MILR1: variants seen among roughly 807,000 people sequenced by gnomAD.
MILR1 encodes the protein allergin-1.
A neutral mutation model predicts 18.5 loss-of-function variants in MILR1; 31 were observed. The observed-to-expected ratio is 1.68, with a 90% CI of 1.26 to 2.26. The LOEUF (loss-of-function observed/expected upper bound fraction) is 2.26, where lower values mean the gene tolerates loss of function less well. MILR1 is among the 30% of genes most tolerant of loss of function. The probability of loss-of-function intolerance (pLI) is 0.00; values close to 1 mark genes in which losing one functional copy is unlikely to be tolerated. For missense variants in MILR1, 257 were observed against 157.4 expected (o/e 1.63, Z -3.38); for synonymous variants, 85 against 56.2 (o/e 1.51, Z -2.30).
At chr17:64,489,612 C>T in the MILR1 span, among the ~76,000 whole-genome samples, 42,277 of 151,890 alleles carry the variant, frequency 0.28, 11,366 homozygotes, top group African/African-American at 0.7. Flanking sequence ...ATTAAACCAT[C>T]AGTCGGGCAT....
the MILR1 span, chr17:64,485,666 T>G: frequency 6.9e-6 from 9 of 1,301,330 alleles, no homozygotes; most frequent in Middle Eastern, 5.5e-4. Flanking sequence ...CACACTAACA[T>G]TAAGAACAAA....
At position 64,452,698 on chromosome 17, in the gene MILR1, T is replaced by C; in HGVS notation, c.199T>C (p.Tyr67His). 2.1e-6 allele frequency: 1 copy of C among 474,818 alleles called. No individual in the cohort carries two copies. The highest frequency in any genetic ancestry group is 3.1e-5 in the East Asian group (1 of 32,056). 29.4% of individuals were successfully genotyped at this position (474,818 alleles called of 1,614,324 possible). The change falls in exon 3 of 10, where the codon TAT becomes CAT. Residue 67 changes from tyrosine to histidine, a missense_variant. Transcript: ENST00000619286. Reference sequence around the variant, plus strand: ...TAAGAACAAATCACTGCAGATCACCTATTCATTGTTTCGACGTAAGACACA... The same window carrying C: ...TAAGAACAAATCACTGCAGATCACCCATTCATTGTTTCGACGTAAGACACA... ...SHKNKSLQIT[Y>H]SLFRRKTHLG...
chr17:64,483,478 C>T, the MILR1 span, among the ~76,000 whole-genome samples: 149 of 150,522 alleles, frequency 9.9e-4, no homozygotes, highest in Non-Finnish European at 1.4e-3. Flanking sequence ...CGTGCCACTG[C>T]ACTCTAGTCT....
At chr17:64,479,432 G>A in the MILR1 span, among the ~76,000 whole-genome samples, 10 of 151,876 alleles carry the variant, frequency 6.6e-5, no homozygotes, top group African/African-American at 1.7e-4. Flanking sequence ...TGATCTGCCC[G>A]CCTCAACCTC....
At chr17:64,478,088 T>C in the MILR1 span, 13 of 1,272,448 alleles carry the variant, frequency 1.0e-5, no homozygotes, top group Non-Finnish European at 1.5e-5. Flanking sequence ...CTCTCAAGAG[T>C]CACAGACTCA....
intron 4 of MILR1, among the ~76,000 whole-genome samples, chr17:64,458,301 C>T (rs2037348150): frequency 6.6e-6 from 1 of 151,740 alleles, no homozygotes; most frequent in East Asian, 1.9e-4. Context: ...CAACCTTTGC[C>T]TCCCAGGTTC....
chr17:64,496,756 C>G, the MILR1 span: 1 of 1,614,064 alleles, frequency 6.2e-7, no homozygotes, highest in Non-Finnish European at 8.5e-7. Context: ...TCTGACAGAT[C>G]TCTAACAGCG....
At chr17:64,476,087 G>A in the MILR1 span, among the ~76,000 whole-genome samples, 173 of 152,130 alleles carry the variant, frequency 1.1e-3, 1 homozygote, top group East Asian at 0.015. Flanking sequence ...GATTACAAGC[G>A]TCAGCCACTG....
chr17:64,485,567 T>TGGCCAG, the MILR1 span: 1 of 652,762 alleles, frequency 1.5e-6, no homozygotes, highest in Non-Finnish European at 2.7e-6. Flanking sequence ...ACCTGATTCT[T>TGGCCAG]ATTCCTGTGG....
At chr17:64,480,982 T>A in the MILR1 span, among the ~76,000 whole-genome samples, 1 of 152,204 alleles carries the variant, frequency 6.6e-6, no homozygotes, top group Admixed American at 6.5e-5. Context: ...TTAACTGTTT[T>A]CTTTACAAGC....
chr17:64,478,353 A>T, the MILR1 span, among the ~76,000 whole-genome samples: 1 of 152,174 alleles, frequency 6.6e-6, no homozygotes, highest in African/African-American at 2.4e-5. Flanking sequence ...CTCTTACAAT[A>T]AACAATATTA....
intron 3 of MILR1, 84 bp from the exon 4 acceptor site, chr17:64,457,316 G>A (rs1329768909): frequency 2.4e-6 from 1 of 422,736 alleles, no homozygotes; most frequent in African/African-American, 2.0e-5. Context: ...GCCTGGAGTG[G>A]AGTAAGGGTT....
chr17:64,472,785 TCAAA>T (rs1555664855), downstream of MILR1, among the ~76,000 whole-genome samples: 1 of 152,208 alleles, frequency 6.6e-6, no homozygotes, highest in African/African-American at 2.4e-5. Context: ...TCTATGCTGT[TCAAA>T]CAGTGACCTC....
the MILR1 span, chr17:64,486,923 A>T: frequency 2.6e-5 from 4 of 152,238 alleles, no homozygotes; most frequent in Non-Finnish European, 4.4e-5. Context: ...AAGAGGAATC[A>T]TTTCAAACTT....
At chr17:64,494,241 C>A in the MILR1 span, among the ~76,000 whole-genome samples, 4 of 152,112 alleles carry the variant, frequency 2.6e-5, no homozygotes, top group African/African-American at 9.7e-5. Context: ...TGATTGTTTC[C>A]TTATGATTTA....
At chr17:64,496,626 A>T in the MILR1 span, 1 of 1,613,882 alleles carries the variant, frequency 6.2e-7, no homozygotes, top group South Asian at 1.1e-5. Context: ...ACCGAGGTCC[A>T]CCATTCTGCG....
the MILR1 span, among the ~76,000 whole-genome samples, chr17:64,494,261 A>T: frequency 6.6e-6 from 1 of 152,182 alleles, no homozygotes; most frequent in Non-Finnish European, 1.5e-5. Context: ...AATTTCGGCT[A>T]ATCATTTTTA....
chr17:64,463,891 T>G (rs1018802991), intron 5 of MILR1, among the ~76,000 whole-genome samples: 402 of 144,504 alleles, frequency 2.8e-3, no homozygotes, highest in African/African-American at 9.9e-3. Context: ...TGGCACAATC[T>G]CCGCTCACTG....
rs139610900 is a variant in MILR1 at position 64,466,368 on chromosome 17, T to TA, written c.854-74_854-73insA. 3.7e-3 allele frequency: 4,759 copies of TA among 1,301,962 alleles called. 21 individuals carry two copies. Among genetic ancestry groups the TA allele is most frequent in the Non-Finnish European group, 4.2e-3 (3,885 of 915,020 alleles). 80.7% of individuals were successfully genotyped at this position (1,301,962 alleles called of 1,614,324 possible). A position where few individuals can be genotyped will look rare whatever the true frequency, so the allele number is the denominator to read the frequency against. Reference sequence around the variant, plus strand: ...CCTACATGGCCACATTCCAGACGCATTGCTGAGCAATTTACCGACCTTTTC... The same window carrying TA: ...CCTACATGGCCACATTCCAGACGCATATGCTGAGCAATTTACCGACCTTTTC... On this transcript the variant is annotated intron_variant, in intron 6 of 9. Transcript: ENST00000619286.
Sources: gnomAD v4.1 joint callset for allele counts (sites outside exome capture counted in the v4.1 genomes callset) on GRCh38, gnomAD v4.1.1 for gene constraint, MANE v1.5 for transcripts, NCBI Gene and HGNC (gene_info 2026-07-23, HGNC 2026-07-21) for gene names.